AP3S2: variants seen among roughly 807,000 people sequenced by gnomAD.
The protein encoded by AP3S2 is AP-3 complex subunit sigma-2.
Under a neutral mutation model 23.4 loss-of-function variants are expected in AP3S2, and 22 were observed. That is an observed-to-expected ratio of 0.94 (90% confidence interval 0.67 to 1.34). AP3S2 has a LOEUF of 1.34. AP3S2 is among the 40% of genes most tolerant of loss of function. The pLI is 0.00. For synonymous variants in AP3S2, 86 were observed against 87.1 expected (o/e 0.99, Z 0.07); for missense variants, 241 against 236.9 (o/e 1.02, Z -0.11).
chr15:89,869,466 C>G (rs1193267171), intron 4 of AP3S2, among the ~76,000 whole-genome samples: 2 of 146,054 alleles, frequency 1.4e-5, no homozygotes, highest in African/African-American at 5.1e-5. Context: ...CTAGGAAAAC[C>G]AGAGACCTTT....
At chr15:89,883,426 C>T (rs978209635) in intron 3 of AP3S2, among the ~76,000 whole-genome samples, 2 of 151,020 alleles carry the variant, frequency 1.3e-5, no homozygotes, top group African/African-American at 4.9e-5. Flanking sequence ...GACAGAATCT[C>T]GCTCTGTCAC....
At chr15:89,871,365 G>A in intron 4 of AP3S2, 110 bp downstream of exon 4, 1 of 1,007,996 alleles carries the variant, frequency 9.9e-7, no homozygotes. Flanking sequence ...ACTATCTTAA[G>A]AGTAAAAAAA....
intron 4 of AP3S2, among the ~76,000 whole-genome samples, chr15:89,849,250 C>T (rs1158141465): frequency 6.6e-6 from 1 of 152,126 alleles, no homozygotes; most frequent in Non-Finnish European, 1.5e-5. Context: ...TAACAGAAAA[C>T]TTTAAAAGCG....
intron 3 of AP3S2, among the ~76,000 whole-genome samples, chr15:89,881,099 C>T (rs1434613247): frequency 6.6e-6 from 1 of 152,094 alleles, no homozygotes; most frequent in African/African-American, 2.4e-5. Flanking sequence ...GTGAAGGAAC[C>T]TAGATGAGAG....
At chr15:89,884,211 T>C (rs1896639890) in intron 3 of AP3S2, among the ~76,000 whole-genome samples, 1 of 152,196 alleles carries the variant, frequency 6.6e-6, no homozygotes, top group South Asian at 2.1e-4. Flanking sequence ...TAATCGCTCC[T>C]CTCAGCAACT....
At chr15:89,853,641 C>T (rs921143945) in intron 4 of AP3S2, among the ~76,000 whole-genome samples, 4 of 134,312 alleles carry the variant, frequency 3.0e-5, no homozygotes, top group East Asian at 2.2e-4. Flanking sequence ...TCCGCCCGGC[C>T]GCCATCCCAT....
intron 4 of AP3S2, among the ~76,000 whole-genome samples, chr15:89,847,936 C>T (rs189797409): frequency 2.6e-5 from 4 of 152,310 alleles, no homozygotes; most frequent in Non-Finnish European, 4.4e-5. Context: ...AATACTGTTT[C>T]TATAATAAAA....
intron 4 of AP3S2, chr15:89,845,794 T>C (rs1895472919): frequency 1.3e-5 from 2 of 152,206 alleles, no homozygotes; most frequent in South Asian, 2.1e-4. Context: ...AGGCCTAAAC[T>C]CAGCTTCACA....
At chr15:89,882,794 C>G (rs1896603180) in intron 3 of AP3S2, among the ~76,000 whole-genome samples, 1 of 152,224 alleles carries the variant, frequency 6.6e-6, no homozygotes, top group South Asian at 2.1e-4. Context: ...ATTCTGAAAA[C>G]TAGTAAAGCA....
intron 4 of AP3S2, among the ~76,000 whole-genome samples, chr15:89,851,537 C>A (rs1044160613): frequency 1.5e-4 from 23 of 152,096 alleles, no homozygotes; most frequent in Non-Finnish European, 1.5e-5. Context: ...TAGGGTTTCA[C>A]TATGTTGGCC....
rs58312795 is a variant in AP3S2, at chr15:89,891,586, G to C, written c.69+2295C>G. ...AGGCAGGAGAATCACTTGAACCCGG[G>C]AGGCAGAGGTTACAGTGAACCGAGA... On this transcript the variant is annotated intron_variant, in intron 1 of 5. Coordinates refer to ENST00000336418, the MANE Select transcript of AP3S2 (RefSeq NM_005829.5). 4.4e-3 allele frequency among the ~76,000 whole-genome samples: 672 copies of C among 151,728 alleles called. 6 individuals are homozygous for C. The highest frequency in any genetic ancestry group is 0.016 in the African/African-American group (647 of 41,302).
At chr15:89,866,519 CTT>C (rs898612936) in intron 4 of AP3S2, among the ~76,000 whole-genome samples, 2 of 146,866 alleles carry the variant, frequency 1.4e-5, no homozygotes, top group African/African-American at 5.0e-5. Context: ...GAGTTTTGCT[CTT>C]GTTGCCCAGG....
At chr15:89,872,783 A>G (rs1032592668) in intron 3 of AP3S2, among the ~76,000 whole-genome samples, 3 of 152,168 alleles carry the variant, frequency 2.0e-5, no homozygotes, top group Admixed American at 1.3e-4. Flanking sequence ...TCTCTTCTCT[A>G]TGTAAGTAAA....
chr15:89,888,696 G>A, intron 2 of AP3S2, 64 bp from the exon 3 acceptor site: 1 of 1,513,728 alleles, frequency 6.6e-7, no homozygotes, highest in Non-Finnish European at 9.0e-7. Context: ...AAGAAACCTT[G>A]TGCCAAAGAA....
chr15:89,873,347 C>T (rs760761572), intron 3 of AP3S2, among the ~76,000 whole-genome samples: 11 of 150,984 alleles, frequency 7.3e-5, no homozygotes, highest in South Asian at 2.1e-4. Context: ...TGCAGTGCCA[C>T]GATCTTGGCT....
rs533186474 is a variant in AP3S2 at position 89,831,296 on chromosome 15, C to A, written c.*4219G>T. The A allele has an allele frequency of 6.6e-6, 1 of 152,202 alleles. No individual in the cohort carries two copies. The allele number at this position is 152,202 out of a possible 1,614,324, so 9.4% of individuals were successfully genotyped here. On this transcript the variant is annotated 3_prime_UTR_variant, in exon 6 of 6. Coordinates refer to ENST00000336418, the MANE Select transcript of AP3S2 (RefSeq NM_005829.5). ...GACAGCATCCACCAGCCTGCAAGCA[C>A]GGACCCCGTGCTGGTGTGTGAGTGC... is the stretch of plus-strand genomic sequence containing the variant.
intron 4 of AP3S2, among the ~76,000 whole-genome samples, chr15:89,862,548 G>A (rs1412297977): frequency 6.6e-6 from 1 of 152,046 alleles, no homozygotes; most frequent in Non-Finnish European, 1.5e-5. Context: ...GTTAATAGTT[G>A]GTGAATCTAA....
rs915807331 is a variant in AP3S2 at position 89,832,986 on chromosome 15, C to T, written c.*2529G>A. Reference sequence around the variant, plus strand: ...GCCATGTGAGGGATGTTTGGATGCTCGCTTTGAATCTGTAGGACCACTCAA... The same window carrying T: ...GCCATGTGAGGGATGTTTGGATGCTTGCTTTGAATCTGTAGGACCACTCAA... On this transcript the variant is annotated 3_prime_UTR_variant, in exon 6 of 6. Coordinates refer to ENST00000336418, the MANE Select transcript of AP3S2 (RefSeq NM_005829.5). 3.3e-5 allele frequency: 5 copies of T among 152,266 alleles called. No individual in the cohort carries two copies. Among genetic ancestry groups the T allele is most frequent in the South Asian group, 4.1e-4 (2 of 4,820 alleles). 9.4% of individuals were successfully genotyped at this position (152,266 alleles called of 1,614,324 possible). A position where few individuals can be genotyped will look rare whatever the true frequency, so the allele number is the denominator to read the frequency against.
At chr15:89,890,472 G>A (rs757165497) in intron 1 of AP3S2, among the ~76,000 whole-genome samples, 1 of 152,250 alleles carries the variant, frequency 6.6e-6, no homozygotes, top group African/African-American at 2.4e-5. Flanking sequence ...AAGGGTAAGA[G>A]AGGGAGAAAC....
Sources: allele counts gnomAD v4.1 joint callset (sites outside exome capture counted in the v4.1 genomes callset), GRCh38; gene constraint gnomAD v4.1.1; transcripts MANE v1.5; gene names NCBI Gene and HGNC (gene_info 2026-07-23, HGNC 2026-07-21).